SMIM41: variants seen among roughly 807,000 people sequenced by gnomAD.
The protein encoded by SMIM41 is small integral membrane protein 41.
chr12:52,098,093 A>G (rs1202329661), intron 2 of SMIM41, among the ~76,000 whole-genome samples: 1 of 152,044 alleles, frequency 6.6e-6, no homozygotes, highest in Non-Finnish European at 1.5e-5. Context: ...AATTCAATGG[A>G]ATGTCATCCT....
At chr12:52,104,527 A>G (rs536384826) in intron 2 of SMIM41, among the ~76,000 whole-genome samples, 2 of 152,280 alleles carry the variant, frequency 1.3e-5, no homozygotes, top group South Asian at 4.1e-4. Context: ...AGGGCAGTTC[A>G]GTGAGTGCTG....
intron 2 of SMIM41, among the ~76,000 whole-genome samples, chr12:52,090,577 A>G (rs1939983077): frequency 6.6e-6 from 1 of 152,196 alleles, no homozygotes; most frequent in African/African-American, 2.4e-5. Context: ...AGTACCGATG[A>G]GAACACAGAG....
chr12:52,080,373 A>C (rs995140522), intron 1 of SMIM41, among the ~76,000 whole-genome samples, 192 bp downstream of exon 1: 3 of 152,108 alleles, frequency 2.0e-5, no homozygotes, highest in Non-Finnish European at 2.9e-5. Flanking sequence ...GTGCGGGATC[A>C]GGAGGAGGCC....
At position 52,081,232 on chromosome 12, in the gene SMIM41, G is replaced by A; in HGVS notation, c.*120+1051G>A. ...GGGGTTTCTGTGGGTGGGAGTGTTTGTCAGGGGTGACTTTGGCCTCTCTTG... is the reference window on the plus strand; with the variant it reads ...GGGGTTTCTGTGGGTGGGAGTGTTTATCAGGGGTGACTTTGGCCTCTCTTG... On this transcript the variant is annotated intron_variant, in intron 1 of 2. Transcript: ENST00000546390. This position sits in a 1 kb window ranked among gnomAD's most constrained non-coding sequence, Gnocchi z 4.1. Among the ~76,000 whole-genome samples the A allele has an allele frequency of 6.6e-6, 1 of 152,106 alleles. No homozygotes were observed. The highest frequency in any genetic ancestry group is 1.9e-4 in the East Asian group (1 of 5,196).
intron 2 of SMIM41, among the ~76,000 whole-genome samples, chr12:52,100,285 C>T (rs1170509244): frequency 6.6e-6 from 1 of 151,634 alleles, no homozygotes; most frequent in Non-Finnish European, 1.5e-5. Flanking sequence ...CCACCCTCTG[C>T]GATATTGGGA....
Position 52,107,363 on chromosome 12 carries a change from A to G in SMIM41, c.*196-16A>G, listed in dbSNP as rs1437769091. 3.9e-6 allele frequency: 2 copies of G among 517,574 alleles called. No homozygotes were observed. The highest frequency in any genetic ancestry group is 7.7e-6 in the Non-Finnish European group (2 of 260,842). 32.1% of individuals were successfully genotyped at this position (517,574 alleles called of 1,614,324 possible). A position where few individuals can be genotyped will look rare whatever the true frequency, so the allele number is the denominator to read the frequency against. ...CCCACAGAATCTAACAGATGTCTCT[A>G]TATTCCTCCTCCTAGAACCTCAGAG... is the stretch of plus-strand genomic sequence containing the variant. On this transcript the variant is annotated splice_polypyrimidine_tract_variant and intron_variant, in intron 2 of 2. Coordinates refer to ENST00000546390, the MANE Select transcript of SMIM41 (RefSeq NM_001369216.1).
Position 52,107,910 on chromosome 12 carries a change from A to G in SMIM41, c.*727A>G. ...AACTCCCCCATCTTGCCGTTGTGAC[A>G]CCTTCATCAATAACATAATCATGTA... On this transcript the variant is annotated 3_prime_UTR_variant, in exon 3 of 3. Transcript: ENST00000546390. 3.5e-6 allele frequency: 1 copy of G among 286,612 alleles called. No individual in the cohort carries two copies. The highest frequency in any genetic ancestry group is 6.8e-6 in the Non-Finnish European group (1 of 147,216). The allele number at this position is 286,612 out of a possible 1,614,324, so 17.8% of individuals were successfully genotyped here. A position where few individuals can be genotyped will look rare whatever the true frequency, so the allele number is the denominator to read the frequency against.
Position 52,103,357 on chromosome 12 carries a change from C to CAAAA in SMIM41, c.*196-4010_*196-4007dup, listed in dbSNP as rs532598136. 2.8e-3 allele frequency among the ~76,000 whole-genome samples: 332 copies of CAAAA among 116,958 alleles called. 3 individuals carry two copies. Among genetic ancestry groups the CAAAA allele is most frequent in the African/African-American group, 7.2e-3 (236 of 32,712 alleles). The allele number at this position is 116,958 out of a possible 152,430, so 76.7% of individuals were successfully genotyped here. A position where few individuals can be genotyped will look rare whatever the true frequency, so the allele number is the denominator to read the frequency against. ...AAAATGAAACAAAATAAAATAAAAC[C>CAAAA]AAAAAAAAAAAAAAACCAAAAAACA... On this transcript the variant is annotated intron_variant, in intron 2 of 2. Transcript: ENST00000546390.
At chr12:52,101,197 C>T (rs550327904) in intron 2 of SMIM41, among the ~76,000 whole-genome samples, 26 of 152,142 alleles carry the variant, frequency 1.7e-4, no homozygotes, top group Admixed American at 1.1e-3. Flanking sequence ...CCGAGTCACA[C>T]GGATCACTTG....
chr12:52,107,231 T>A (rs538846725), intron 2 of SMIM41, 148 bp from the exon 3 acceptor site: 16 of 370,798 alleles, frequency 4.3e-5, no homozygotes, highest in South Asian at 3.1e-4. Context: ...AAACATTACT[T>A]GTGAATTGCT....
intron 2 of SMIM41, among the ~76,000 whole-genome samples, chr12:52,088,564 C>G (rs79916235): frequency 6.6e-6 from 1 of 152,142 alleles, no homozygotes; most frequent in Non-Finnish European, 1.5e-5. Context: ...CAGCAGCTGT[C>G]CCCGATTCCC....
At chr12:52,090,773 T>C (rs1939986958) in intron 2 of SMIM41, among the ~76,000 whole-genome samples, 1 of 152,176 alleles carries the variant, frequency 6.6e-6, no homozygotes, top group East Asian at 1.9e-4. Context: ...TTCTCAGTTG[T>C]TGGAAATCCA....
At chr12:52,098,741 G>GCA (rs902282034) in intron 2 of SMIM41, among the ~76,000 whole-genome samples, 1 of 151,290 alleles carries the variant, frequency 6.6e-6, no homozygotes, top group Non-Finnish European at 1.5e-5. Context: ...TCACGGGGGG[G>GCA]GGGGTGTACT....
chr12:52,107,342 C>T, intron 2 of SMIM41, 37 bp from the exon 3 acceptor site: 1 of 489,698 alleles, frequency 2.0e-6, no homozygotes, highest in Non-Finnish European at 4.1e-6. Context: ...TACAGACCCA[C>T]AGAATCTAAC....
intron 2 of SMIM41, among the ~76,000 whole-genome samples, chr12:52,103,094 G>A (rs985871583): frequency 6.0e-5 from 9 of 150,180 alleles, no homozygotes; most frequent in Admixed American, 4.7e-4. Context: ...GGAAGACCGA[G>A]GTGGGAGGAT....
chr12:52,099,019 T>A (rs1940162915), intron 2 of SMIM41, among the ~76,000 whole-genome samples: 1 of 151,770 alleles, frequency 6.6e-6, no homozygotes, highest in South Asian at 2.1e-4. Context: ...CTTCTCTCTC[T>A]CTGGATATTA....
intron 2 of SMIM41, among the ~76,000 whole-genome samples, chr12:52,090,217 C>T (rs912641690): frequency 1.3e-5 from 2 of 151,942 alleles, no homozygotes; most frequent in Non-Finnish European, 2.9e-5. Context: ...ATTACAGGCA[C>T]GCAACCACCA....
In SMIM41 at chr12:52,107,934, T is replaced by C; in HGVS notation, c.*751T>C. 12 of 267,050 alleles carry C rather than the reference T, an allele frequency of 4.5e-5. No individual in the cohort carries two copies. The South Asian group carries it at 4.8e-4, about 11-fold the overall frequency. 16.5% of individuals were successfully genotyped at this position (267,050 alleles called of 1,614,324 possible). A position where few individuals can be genotyped will look rare whatever the true frequency, so the allele number is the denominator to read the frequency against. ...CACCTTCATCAATAACATAATCATG[T>C]ATTTCCCTACTGCCATATTTGGTTT... is the stretch of plus-strand genomic sequence containing the variant. On this transcript the variant is annotated 3_prime_UTR_variant, in exon 3 of 3. Transcript: ENST00000546390.
intron 2 of SMIM41, among the ~76,000 whole-genome samples, chr12:52,104,612 GGA>G (rs1289421359): frequency 6.6e-6 from 1 of 151,954 alleles, no homozygotes; most frequent in African/African-American, 2.4e-5. Context: ...GCAGATGGGA[GGA>G]GACCAACGTG....
Sources: gnomAD v4.1 joint callset for allele counts (sites outside exome capture counted in the v4.1 genomes callset) on GRCh38, gnomAD v4.1.1 for gene constraint, Gnocchi (gnomAD v3.1) non-coding constraint, MANE v1.5 for transcripts, NCBI Gene and HGNC (gene_info 2026-07-23, HGNC 2026-07-21) for gene names.